Variants in EFCAB11 observed in about 807,000 individuals in gnomAD.
The protein encoded by EFCAB11 is EF-hand calcium binding domain 11, also known as EF-hand calcium-binding domain-containing protein 11.
Under a neutral mutation model 23.0 loss-of-function variants are expected in EFCAB11, and 14 were observed. The ratio of observed to expected loss-of-function variants is 0.61; its 90% confidence interval spans 0.40 to 0.95. EFCAB11 has a LOEUF of 0.95. EFCAB11 is among the 40% of genes least tolerant of loss of function. The pLI is 0.00. For missense variants in EFCAB11, 198 were observed against 195.8 expected, an observed-to-expected ratio of 1.01 and a Z score of -0.07; for synonymous variants, 65 against 66.6, an observed-to-expected ratio of 0.98 and a Z score of 0.11.
At chr14:89,870,767 TA>T (rs56920547) in intron 5 of EFCAB11, among the ~76,000 whole-genome samples, 73,955 of 102,818 alleles carry the variant, frequency 0.72, 28,008 homozygotes, top group Non-Finnish European at 0.85. Flanking sequence ...TCATCTCTAC[TA>T]AAAAAAAAAA....
At chr14:89,896,016 G>A (rs570447204) in intron 5 of EFCAB11, among the ~76,000 whole-genome samples, 1 of 152,312 alleles carries the variant, frequency 6.6e-6, no homozygotes, top group African/African-American at 2.4e-5. Flanking sequence ...AGATAAGAGA[G>A]AGAACTCATC....
chr14:89,837,043 G>T (rs1359394761), intron 5 of EFCAB11: 2 of 456,322 alleles, frequency 4.4e-6, no homozygotes, highest in Admixed American at 2.4e-5. Flanking sequence ...CAGGTGAGGG[G>T]TGTGCCTGAA....
rs574756552 is a variant in EFCAB11 at position 89,866,013 on chromosome 14, G to A, written c.410+65528C>T. Among the ~76,000 whole-genome samples the A allele has an allele frequency of 8.5e-5, 13 of 152,166 alleles. No individual in the cohort carries two copies. In the South Asian group the frequency reaches 2.5e-3, roughly 29 times the overall value. ...TTGCCCAGGCTGGTCTAAAACTCCT[G>A]AGCTCAAGTGATCCGCCCACCTCAG... On this transcript the variant is annotated intron_variant, in intron 5 of 5. Transcript: ENST00000316738.
chr14:89,817,333 G>A (rs1886366659), intron 5 of EFCAB11, among the ~76,000 whole-genome samples: 1 of 151,678 alleles, frequency 6.6e-6, no homozygotes. Context: ...CAAAAACTGG[G>A]CAACACAGTG....
chr14:89,824,477 A>G (rs1886626707), intron 5 of EFCAB11, among the ~76,000 whole-genome samples: 1 of 152,132 alleles, frequency 6.6e-6, no homozygotes, highest in Admixed American at 6.5e-5. Context: ...GGGATAGAGG[A>G]AAACAAATGA....
chr14:89,926,632 G>C (rs1890203199), intron 5 of EFCAB11, among the ~76,000 whole-genome samples: 1 of 152,096 alleles, frequency 6.6e-6, no homozygotes, highest in South Asian at 2.1e-4. Flanking sequence ...AGCAAAGCAA[G>C]CAATTAAAAT....
At chr14:89,948,563 A>G (rs569666973) in intron 3 of EFCAB11, among the ~76,000 whole-genome samples, 9 of 152,256 alleles carry the variant, frequency 5.9e-5, no homozygotes, top group Non-Finnish European at 1.0e-4. Context: ...ATTGTTCACA[A>G]TAGGCAAGAT....
intron 1 of EFCAB11, chr14:89,954,349 G>T (rs1286221569): frequency 1.3e-6 from 2 of 1,536,042 alleles, no homozygotes; most frequent in Non-Finnish European, 1.7e-6. Flanking sequence ...GCAGACTCAA[G>T]GTTACCATTA....
intron 3 of EFCAB11, among the ~76,000 whole-genome samples, chr14:89,937,216 TTTC>T (rs1890617378): frequency 6.6e-6 from 1 of 152,198 alleles, no homozygotes; most frequent in Admixed American, 6.5e-5. Context: ...TGGCAAACTA[TTTC>T]TTTTTTCAGC....
chr14:89,903,255 T>C (rs1889395086), intron 5 of EFCAB11, among the ~76,000 whole-genome samples: 1 of 152,264 alleles, frequency 6.6e-6, no homozygotes, highest in African/African-American at 2.4e-5. Context: ...AGATATTTTG[T>C]CTCAGATTTA....
At chr14:89,924,596 T>C (rs1488749017) in intron 5 of EFCAB11, 10 of 1,534,306 alleles carry the variant, frequency 6.5e-6, no homozygotes, top group Middle Eastern at 1.7e-4. Flanking sequence ...CCACAGGGTG[T>C]TGATGGCAGG....
At chr14:89,907,417 T>C (rs1889533082) in intron 5 of EFCAB11, among the ~76,000 whole-genome samples, 1 of 152,238 alleles carries the variant, frequency 6.6e-6, no homozygotes, top group Non-Finnish European at 1.5e-5. Flanking sequence ...ATGAGGTTTT[T>C]GATATTTTTA....
chr14:89,893,882 TAC>T (rs796160284), intron 5 of EFCAB11, among the ~76,000 whole-genome samples: 1 of 151,826 alleles, frequency 6.6e-6, no homozygotes, highest in African/African-American at 2.4e-5. Context: ...TACATACATA[TAC>T]ACAGACATGT....
chr14:89,887,157 T>TA (rs1397110574), intron 5 of EFCAB11, among the ~76,000 whole-genome samples: 2 of 152,106 alleles, frequency 1.3e-5, no homozygotes, highest in Non-Finnish European at 2.9e-5. Flanking sequence ...GCCTGACAGA[T>TA]AGACAATAAG....
chr14:89,828,572 C>G (rs771170014), intron 5 of EFCAB11, among the ~76,000 whole-genome samples: 4 of 152,098 alleles, frequency 2.6e-5, no homozygotes, highest in African/African-American at 9.7e-5. Context: ...TGTTGACATG[C>G]TAAAAACATA....
chr14:89,923,688 T>C (rs1890091725), intron 5 of EFCAB11: 12 of 985,380 alleles, frequency 1.2e-5, no homozygotes, highest in African/African-American at 1.7e-5. Context: ...CCAATAGTCA[T>C]AGTCACTAAA....
intron 5 of EFCAB11, among the ~76,000 whole-genome samples, chr14:89,821,762 C>A (rs1053921659): frequency 6.6e-6 from 1 of 152,152 alleles, no homozygotes; most frequent in African/African-American, 2.4e-5. Flanking sequence ...ACACCAGGAG[C>A]ACACCCTTTT....
At chr14:89,931,764 C>T in intron 4 of EFCAB11, 133 bp from the exon 5 acceptor site, 1 of 694,202 alleles carries the variant, frequency 1.4e-6, no homozygotes, top group Non-Finnish European at 2.4e-6. Flanking sequence ...ATTGATTTCA[C>T]AGATAAGGTA....
At chr14:89,879,742 A>C (rs1473226371) in intron 5 of EFCAB11, among the ~76,000 whole-genome samples, 1 of 152,164 alleles carries the variant, frequency 6.6e-6, no homozygotes, top group East Asian at 1.9e-4. Context: ...CATGGAGACA[A>C]TAATTTTTAA....
Sources: gnomAD v4.1 joint callset for allele counts (sites outside exome capture counted in the v4.1 genomes callset) on GRCh38, gnomAD v4.1.1 for gene constraint, MANE v1.5 for transcripts, NCBI Gene and HGNC (gene_info 2026-07-23, HGNC 2026-07-21) for gene names.